Variants in CYP4V2 observed in about 807,000 individuals in gnomAD.
The protein encoded by CYP4V2 is cytochrome P450 family 4 subfamily V member 2.
Under a neutral mutation model 60.8 loss-of-function variants are expected in CYP4V2, and 55 were observed. That is an observed-to-expected ratio of 0.90 (90% CI 0.73 to 1.13). The LOEUF (loss-of-function observed/expected upper bound fraction) is 1.13. Among genes scored for constraint, CYP4V2 ranks in the 50% most tolerant of loss-of-function variants. The pLI, the probability that CYP4V2 is intolerant of heterozygous loss-of-function variation, is 0.00. For synonymous variants in CYP4V2, 239 were observed against 236.8 expected (o/e 1.01, Z -0.08); for missense variants, 675 against 662.9 (o/e 1.02, Z -0.20).
At chr4:186,197,933 GAA>G (rs1478790071) in intron 5 of CYP4V2, among the ~76,000 whole-genome samples, 1 of 152,096 alleles carries the variant, frequency 6.6e-6, no homozygotes, top group South Asian at 2.1e-4. Context: ...ATTATTCATA[GAA>G]AAAAACTAGC....
At position 186,194,559 on chromosome 4, in the gene CYP4V2, C is replaced by G; in HGVS notation, c.274C>G (p.Leu92Val). The G allele has an allele frequency of 6.2e-7, 1 of 1,614,206 alleles. No individual in the cohort carries two copies. Among genetic ancestry groups the G allele is most frequent in the Non-Finnish European group, 8.5e-7 (1 of 1,180,030 alleles). ...ATACCGCCACATGCCGCTGCTGAAGCTCTGGGTCGGGCCAGTGCCCATGGT... is the reference window on the plus strand; with the variant it reads ...ATACCGCCACATGCCGCTGCTGAAGGTCTGGGTCGGGCCAGTGCCCATGGT... ...EEYRHMPLLKLWVGPVPMVAL... is the reference protein window; with the variant it reads ...EEYRHMPLLKVWVGPVPMVAL... Residue 92 changes from leucine to valine, a missense_variant, in exon 2 of 11, where the codon CTC (leucine) becomes GTC (valine). By Grantham distance (32) the Leu-to-Val change is conservative. Coordinates refer to ENST00000378802, the MANE Select transcript of CYP4V2 (RefSeq NM_207352.4).
At chr4:186,201,409 TA>T (rs1411727672) in intron 7 of CYP4V2, 67 bp downstream of exon 7, 1 of 1,548,912 alleles carries the variant, frequency 6.5e-7, no homozygotes, top group African/African-American at 1.4e-5. Flanking sequence ...TCTTTAGCAT[TA>T]TTTTTTAAAA....
chr4:186,192,319 A>G, intron 1 of CYP4V2: 1 of 654,922 alleles, frequency 1.5e-6, no homozygotes, highest in East Asian at 3.0e-5. Flanking sequence ...TCAGCTCTCA[A>G]AGCCCTGCCG....
At chr4:186,197,341 GA>G in intron 4 of CYP4V2, 191 bp from the exon 5 acceptor site, 1 of 838,406 alleles carries the variant, frequency 1.2e-6, no homozygotes, top group East Asian at 2.6e-5. Context: ...CCAGGGAGGC[GA>G]AGGGAAGGAA....
In CYP4V2 at chr4:186,195,962, G is replaced by A. The variant is rs757068699; in HGVS notation, c.328-41G>A. The A allele has an allele frequency of 1.4e-6, 2 of 1,425,534 alleles. No individual in the cohort carries two copies. Among genetic ancestry groups the A allele is most frequent in the Non-Finnish European group, 2.0e-6 (2 of 1,011,080 alleles). The allele number at this position is 1,425,534 out of a possible 1,614,324, so 88.3% of individuals were successfully genotyped here. On this transcript the variant is annotated intron_variant, in intron 2 of 10. Transcript: ENST00000378802. The surrounding 1 kb of genome is among the most constrained non-coding windows in gnomAD (Gnocchi z 4.1). ...TCCTATAATTACAGGAAGGTTGTTT[G>A]ATGTCTGTATGTCTCTAAAGTATGT...
chr4:186,198,526 A>G (rs1579965494), intron 5 of CYP4V2, among the ~76,000 whole-genome samples: 1 of 152,160 alleles, frequency 6.6e-6, no homozygotes, highest in African/African-American at 2.4e-5. Flanking sequence ...CAAGTGACAG[A>G]TGGGTACTTA....
Position 186,209,241 on chromosome 4 carries a change from G to A in CYP4V2, c.1374G>A (p.Val458=). ...AAGGGCGCCATCCATATGCCTACGT[G>A]CCCTTCTCTGCTGGCCCCAGGAACT... ...NAQGRHPYAY[V]PFSAGPRNCI... The change falls in exon 10 of 11, where the codon GTG becomes GTA. Residue 458 remains valine, a synonymous_variant. Transcript: ENST00000378802. 3 of 1,613,850 alleles carry A rather than the reference G, an allele frequency of 1.9e-6. No homozygotes were observed. The highest frequency in any genetic ancestry group is 2.5e-6 in the Non-Finnish European group (3 of 1,179,982).
chr4:186,210,078 C>T (rs1256466889), intron 10 of CYP4V2, among the ~76,000 whole-genome samples: 1 of 152,190 alleles, frequency 6.6e-6, no homozygotes, highest in Non-Finnish European at 1.5e-5. Flanking sequence ...GTATCTCTAG[C>T]ATTTTGTCAT....
chr4:186,196,610 A>T, intron 3 of CYP4V2: 4 of 318,192 alleles, frequency 1.3e-5, no homozygotes, highest in South Asian at 1.1e-4. Flanking sequence ...TGAGGTATTG[A>T]TGGAAGGAGA....
At chr4:186,208,025 G>A (rs1290778267) in intron 8 of CYP4V2, among the ~76,000 whole-genome samples, 1 of 152,160 alleles carries the variant, frequency 6.6e-6, no homozygotes, top group South Asian at 2.1e-4. Flanking sequence ...CTTCTTTGAT[G>A]GGTATTTAGC....
At position 186,191,828 on chromosome 4, in the gene CYP4V2, C is replaced by G. The variant is rs1338382631; in HGVS notation, c.5C>G (p.Ala2Gly). ...CCGCGGCCGCCAGCCGGGGCGATGGCGGGGCTCTGGCTGGGGCTCGTGTGG... is the reference window on the plus strand; with the variant it reads ...CCGCGGCCGCCAGCCGGGGCGATGGGGGGGCTCTGGCTGGGGCTCGTGTGG... MAGLWLGLVWQK... is the reference protein window; with the variant it reads MGGLWLGLVWQK... The change falls in exon 1 of 11, where the codon GCG (alanine) becomes GGG (glycine). Residue 2 changes from alanine to glycine, a missense_variant. Coordinates refer to ENST00000378802, the MANE Select transcript of CYP4V2 (RefSeq NM_207352.4). The G allele has an allele frequency of 6.4e-7, 1 of 1,561,762 alleles. No individual in the cohort carries two copies. Among genetic ancestry groups the G allele is most frequent in the Non-Finnish European group, 8.6e-7 (1 of 1,160,162 alleles).
intron 3 of CYP4V2, 66 bp downstream of exon 3, chr4:186,196,154 T>C: frequency 3.0e-6 from 4 of 1,354,922 alleles, no homozygotes; most frequent in Non-Finnish European, 4.2e-6. Flanking sequence ...ACTTGTTATT[T>C]CAAGAATTAA....
At chr4:186,205,141 C>T (rs1013896360) in intron 7 of CYP4V2, 59 bp from the exon 8 acceptor site, 3 of 1,509,134 alleles carry the variant, frequency 2.0e-6, no homozygotes, top group East Asian at 4.5e-5. Flanking sequence ...GGTTTCTGGT[C>T]ACTCCTAATC....
chr4:186,205,383 T>G, intron 8 of CYP4V2, 81 bp downstream of exon 8: 1 of 1,385,336 alleles, frequency 7.2e-7, no homozygotes, highest in Non-Finnish European at 1.0e-6. Context: ...CACAGTGTAA[T>G]GAGCAGGAAG....
At chr4:186,194,682 T>C in intron 2 of CYP4V2, 70 bp downstream of exon 2, 4 of 1,398,946 alleles carry the variant, frequency 2.9e-6, no homozygotes, top group Non-Finnish European at 4.1e-6. Flanking sequence ...CCAGAATCAA[T>C]ATAACGTGTC....
At chr4:186,201,986 A>C (rs1389075791) in intron 7 of CYP4V2, 2 of 152,370 alleles carry the variant, frequency 1.3e-5, no homozygotes, top group Non-Finnish European at 2.9e-5. Flanking sequence ...AGTGAAAGGC[A>C]CCTGAGTTTT....
At chr4:186,197,862 G>T (rs1736201076) in intron 5 of CYP4V2, among the ~76,000 whole-genome samples, 1 of 152,134 alleles carries the variant, frequency 6.6e-6, no homozygotes, top group Admixed American at 6.5e-5. Flanking sequence ...CTTACATTAT[G>T]ATGCTGAGAA....
chr4:186,209,755 A>G (rs1736648013), intron 10 of CYP4V2, among the ~76,000 whole-genome samples: 1 of 152,190 alleles, frequency 6.6e-6, no homozygotes, highest in Non-Finnish European at 1.5e-5. Flanking sequence ...ACCTGTCTCC[A>G]AATACAGTCA....
rs1448528504 is a variant in CYP4V2, at chr4:186,209,115, C to T, written c.1248C>T (p.Gly416=). ...CEVAGYRVLK[G]TEAVIIPYAL... The stretch of plus-strand genomic sequence containing the variant: ...CAGCAGGTTACAGAGTTCTAAAAGG[C>T]ACTGAAGCCGTCATCATTCCCTATG... The change falls in exon 10 of 11, where the codon GGC becomes GGT. Residue 416 remains glycine, a synonymous_variant. Coordinates refer to ENST00000378802, the MANE Select transcript of CYP4V2 (RefSeq NM_207352.4). 2 of 1,614,020 alleles carry T rather than the reference C, an allele frequency of 1.2e-6. No homozygotes were observed. Among genetic ancestry groups the T allele is most frequent in the Admixed American group, 1.7e-5 (1 of 60,000 alleles).
Sources: allele counts gnomAD v4.1 joint callset (sites outside exome capture counted in the v4.1 genomes callset), GRCh38; gene constraint gnomAD v4.1.1; non-coding constraint Gnocchi (gnomAD v3.1); transcripts MANE v1.5; gene names NCBI Gene and HGNC (gene_info 2026-07-23, HGNC 2026-07-21).